The following PAFAH1B1 variants were observed in gnomAD, a reference collection of about 807,000 sequenced individuals.
PAFAH1B1 encodes the protein platelet-activating factor acetylhydrolase IB subunit beta.
Under a neutral mutation model 57.5 loss-of-function variants are expected in PAFAH1B1, and 2 were observed. That is an observed-to-expected ratio of 0.03 (90% CI 0.01 to 0.11). The LOEUF (loss-of-function observed/expected upper bound fraction) is 0.11. PAFAH1B1 is among the 10% of genes least tolerant of loss of function. The pLI, the probability that PAFAH1B1 is intolerant of heterozygous loss-of-function variation, is 1.00. For synonymous variants in PAFAH1B1, 152 were observed against 169.6 expected, an observed-to-expected ratio of 0.90 and a Z score of 0.81; for missense variants, 257 against 512.0, an observed-to-expected ratio of 0.50 and a Z score of 4.81.
intron 1 of PAFAH1B1, among the ~76,000 whole-genome samples, chr17:2,604,284 C>T (rs553636151): frequency 8.0e-4 from 122 of 152,182 alleles, no homozygotes; most frequent in South Asian, 2.1e-4. Context: ...GTGATCCCCC[C>T]GCCTCGGCCT....
intron 2 of PAFAH1B1, among the ~76,000 whole-genome samples, chr17:2,654,727 C>T (rs143419850): frequency 1.9e-4 from 29 of 152,158 alleles, no homozygotes; most frequent in African/African-American, 5.8e-4. Flanking sequence ...CTGCAGCCTC[C>T]GCCTCCCGGG....
At chr17:2,642,090 A>G (rs949172300) in intron 2 of PAFAH1B1, 1 of 152,210 alleles carries the variant, frequency 6.6e-6, no homozygotes, top group Non-Finnish European at 1.5e-5. Context: ...AGAAATCATT[A>G]GGCTACAGTG....
chr17:2,663,720 C>CA (rs1474476235), intron 2 of PAFAH1B1, among the ~76,000 whole-genome samples: 2 of 145,486 alleles, frequency 1.4e-5, no homozygotes, highest in African/African-American at 2.6e-5. Flanking sequence ...TTTTTTGAGA[C>CA]AGAGTTTCAC....
intron 2 of PAFAH1B1, among the ~76,000 whole-genome samples, chr17:2,648,994 A>G (rs1036340333): frequency 1.3e-5 from 2 of 152,096 alleles, no homozygotes; most frequent in East Asian, 3.9e-4. Flanking sequence ...GAAGCAGCCA[A>G]ACATTTATAG....
rs950193639 is a variant in PAFAH1B1 at position 2,683,142 on chromosome 17, C to G, written c.*1340C>G. ...CGAAGGAAAATCACTTCCGTTATGT[C>G]CCCCTCTAATTTAGCCGCTCGACAT... On this transcript the variant is annotated 3_prime_UTR_variant, in exon 11 of 11. Coordinates refer to ENST00000397195, the MANE Select transcript of PAFAH1B1 (RefSeq NM_000430.4). The G allele has an allele frequency of 1.3e-5, 2 of 152,136 alleles. No homozygotes were observed. The highest frequency in any genetic ancestry group is 2.9e-5 in the Non-Finnish European group (2 of 68,024). The allele number at this position is 152,136 out of a possible 1,614,324, so 9.4% of individuals were successfully genotyped here. A position where few individuals can be genotyped will look rare whatever the true frequency, so the allele number is the denominator to read the frequency against.
At chr17:2,670,111 C>T in intron 5 of PAFAH1B1, 52 bp from the exon 6 acceptor site, 3 of 1,528,194 alleles carry the variant, frequency 2.0e-6, no homozygotes, top group Non-Finnish European at 2.7e-6. Context: ...AAATGTGAAA[C>T]AAGAAAGGAG....
At chr17:2,624,039 A>T (rs768838303) in intron 1 of PAFAH1B1, among the ~76,000 whole-genome samples, 2 of 152,198 alleles carry the variant, frequency 1.3e-5, no homozygotes, top group Admixed American at 6.5e-5. Context: ...ACCCTAAATC[A>T]TCTTTCTCAA....
intron 1 of PAFAH1B1, among the ~76,000 whole-genome samples, chr17:2,610,521 A>T (rs1463283605): frequency 6.6e-6 from 1 of 152,226 alleles, no homozygotes; most frequent in Non-Finnish European, 1.5e-5. Context: ...TGGCACTATC[A>T]GGCTAGAGCA....
chr17:2,658,080 G>C (rs1379687095), intron 2 of PAFAH1B1, among the ~76,000 whole-genome samples: 1 of 152,052 alleles, frequency 6.6e-6, no homozygotes, highest in African/African-American at 2.4e-5. Context: ...AAATTATGCT[G>C]AACAACTAAG....
intron 1 of PAFAH1B1, among the ~76,000 whole-genome samples, chr17:2,605,619 G>A (rs376803123): frequency 3.3e-5 from 5 of 152,114 alleles, no homozygotes; most frequent in Admixed American, 1.3e-4. Flanking sequence ...TCCCTGCCGC[G>A]CCCCCCTTAC....
chr17:2,664,665 GCT>G (rs1555526143), intron 2 of PAFAH1B1, among the ~76,000 whole-genome samples: 1 of 86,084 alleles, frequency 1.2e-5, no homozygotes, highest in African/African-American at 3.9e-5. Context: ...TCTATCTATC[GCT>G]CTCTCTCTCT....
chr17:2,606,043 G>A (rs766840582), intron 1 of PAFAH1B1, among the ~76,000 whole-genome samples: 1 of 152,172 alleles, frequency 6.6e-6, no homozygotes, highest in South Asian at 2.1e-4. Context: ...GATATACAAA[G>A]CTAGACAAGC....
intron 2 of PAFAH1B1, chr17:2,641,549 G>A (rs540316472): frequency 6.6e-6 from 1 of 152,022 alleles, no homozygotes; most frequent in East Asian, 1.9e-4. Context: ...TACTTGAATT[G>A]TCCCAAATTT....
intron 2 of PAFAH1B1, chr17:2,641,553 C>T (rs1001997133): frequency 2.0e-5 from 3 of 151,968 alleles, no homozygotes; most frequent in African/African-American, 7.2e-5. Flanking sequence ...TGAATTGTCC[C>T]AAATTTGGCC....
At chr17:2,620,754 C>T (rs544898496) in intron 1 of PAFAH1B1, among the ~76,000 whole-genome samples, 41 of 152,068 alleles carry the variant, frequency 2.7e-4, no homozygotes, top group South Asian at 2.1e-3. Flanking sequence ...CCTAGCTACT[C>T]GGGAGGCTGA....
chr17:2,683,964 T>C lies in PAFAH1B1; in HGVS notation c.*2162T>C, dbSNP rs913444621. 5 of 152,622 alleles carry C rather than the reference T, an allele frequency of 3.3e-5. No homozygotes were observed. Among genetic ancestry groups the C allele is most frequent in the Admixed American group, 6.5e-5 (1 of 15,278 alleles). The allele number at this position is 152,622 out of a possible 1,614,324, so 9.5% of individuals were successfully genotyped here. On this transcript the variant is annotated 3_prime_UTR_variant, in exon 11 of 11. Transcript: ENST00000397195. ...AACATCTAGAAATCACTCATAGATA[T>C]TGAACAATAAAGGAGAATGGTACCG... is the stretch of plus-strand genomic sequence containing the variant.
At chr17:2,630,365 C>G (rs1266473) in intron 1 of PAFAH1B1, among the ~76,000 whole-genome samples, 1 of 152,058 alleles carries the variant, frequency 6.6e-6, no homozygotes, top group Admixed American at 6.6e-5. Context: ...CCTTCATACA[C>G]GATGCTTGGT....
intron 10 of PAFAH1B1, among the ~76,000 whole-genome samples, chr17:2,680,619 T>A (rs948509046): frequency 6.6e-6 from 1 of 152,224 alleles, no homozygotes; most frequent in African/African-American, 2.4e-5. Flanking sequence ...TTTTCTCCCC[T>A]ATTAGTTTGT....
chr17:2,621,473 C>T (rs2068419742), intron 1 of PAFAH1B1, among the ~76,000 whole-genome samples: 1 of 152,140 alleles, frequency 6.6e-6, no homozygotes. Flanking sequence ...TTCTTGAAAG[C>T]AACTGGCCTG....
Sources: allele counts gnomAD v4.1 joint callset (sites outside exome capture counted in the v4.1 genomes callset), GRCh38; gene constraint gnomAD v4.1.1; transcripts MANE v1.5; gene names NCBI Gene and HGNC (gene_info 2026-07-23, HGNC 2026-07-21).